Variants in ESRRB observed in about 807,000 individuals in gnomAD.
ESRRB encodes the protein estrogen related receptor beta, also known as steroid hormone receptor ERR2.
Under a neutral mutation model 46.0 loss-of-function variants are expected in ESRRB, and 16 were observed. The ratio of observed to expected loss-of-function variants is 0.35; its 90% CI spans 0.24 to 0.53. ESRRB has a LOEUF of 0.53. Among genes scored for constraint, ESRRB ranks in the 20% least tolerant of loss-of-function variants. ESRRB has a pLI of 0.93. For missense variants in ESRRB, 488 were observed against 607.4 expected (o/e 0.80, Z 2.07); for synonymous variants, 246 against 259.6 (o/e 0.95, Z 0.50).
At chr14:76,397,576 T>C (rs1331697542) in intron 1 of ESRRB, among the ~76,000 whole-genome samples, 1 of 152,118 alleles carries the variant, frequency 6.6e-6, no homozygotes, top group Non-Finnish European at 1.5e-5. Context: ...AAAATAGATT[T>C]ATTGGACAAA....
intron 5 of ESRRB, among the ~76,000 whole-genome samples, chr14:76,486,259 T>TG (rs1890013811): frequency 6.6e-6 from 1 of 152,176 alleles, no homozygotes; most frequent in East Asian, 1.9e-4. Flanking sequence ...GGCAGCCTCA[T>TG]GCCTGTGCCA....
rs374856797 is a variant in ESRRB, at chr14:76,333,425, T to TATATATTTATATATG, written c.2+22516_2+22530dup. 2.7e-4 allele frequency among the ~76,000 whole-genome samples: 15 copies of TATATATTTATATATG among 54,894 alleles called. 1 individual carries two copies. Among genetic ancestry groups the TATATATTTATATATG allele is most frequent in the African/African-American group, 7.5e-4 (11 of 14,622 alleles). The allele number at this position is 54,894 out of a possible 152,430, so 36.0% of individuals were successfully genotyped here. A position where few individuals can be genotyped will look rare whatever the true frequency, so the allele number is the denominator to read the frequency against. On this transcript the variant is annotated intron_variant, in intron 1 of 6. Coordinates refer to the ESRRB transcript ENST00000512784. ...TTATATATGATATATTTATATCATATATATATTTATATATGATATATAAGT... is the reference window on the plus strand; with the variant it reads ...TTATATATGATATATTTATATCATATATATATTTATATATGATATATTTATATATGATATATAAGT...
chr14:76,418,909 G>T (rs1016647645), intron 1 of ESRRB, among the ~76,000 whole-genome samples: 1 of 152,110 alleles, frequency 6.6e-6, no homozygotes, highest in African/African-American at 2.4e-5. Flanking sequence ...GTGAGCCACC[G>T]CATCCAGCCT....
chr14:76,485,657 G>GAGAGAGAGAGAGAGAA (rs1555344281), intron 5 of ESRRB, among the ~76,000 whole-genome samples: 1 of 146,678 alleles, frequency 6.8e-6, no homozygotes, highest in Non-Finnish European at 1.5e-5. Flanking sequence ...GAGAGAGAGA[G>GAGAGAGAGAGAGAGAA]AGAAAGAAAG....
rs1019190119 is a variant in ESRRB at position 76,499,783 on chromosome 14, G to A, written c.*1325G>A. 1.3e-5 allele frequency: 16 copies of A among 1,204,362 alleles called. No homozygotes were observed. The African/African-American group carries it at 2.2e-4, about 17-fold the overall frequency. The allele number at this position is 1,204,362 out of a possible 1,614,324, so 74.6% of individuals were successfully genotyped here. A position where few individuals can be genotyped will look rare whatever the true frequency, so the allele number is the denominator to read the frequency against. Reference sequence around the variant, plus strand: ...CTACCCCAGGCACACGGGGACAGTGGGTCACTCTATTTCTGTGGATGGCCG... The same window carrying A: ...CTACCCCAGGCACACGGGGACAGTGAGTCACTCTATTTCTGTGGATGGCCG... On this transcript the variant is annotated 3_prime_UTR_variant, in exon 7 of 7. Transcript: ENST00000644823.
intron 3 of ESRRB, among the ~76,000 whole-genome samples, chr14:76,471,305 C>T (rs1242281642): frequency 6.6e-6 from 1 of 152,200 alleles, no homozygotes; most frequent in Non-Finnish European, 1.5e-5. Flanking sequence ...TGATTCCACT[C>T]TTAGTCCTGT....
intron 1 of ESRRB, among the ~76,000 whole-genome samples, chr14:76,431,220 G>A (rs1303111366): frequency 3.9e-5 from 6 of 152,198 alleles, no homozygotes; most frequent in Non-Finnish European, 5.9e-5. Context: ...ACTTAAAGCT[G>A]AGAGGTGGAG....
chr14:76,463,179 C>T (rs1225181823), intron 3 of ESRRB: 1 of 213,770 alleles, frequency 4.7e-6, no homozygotes, highest in East Asian at 1.2e-4. Context: ...TCCCTTCCCT[C>T]TCCTTTCTCT....
intron 2 of ESRRB, among the ~76,000 whole-genome samples, chr14:76,450,936 G>C (rs117017058): frequency 0.021 from 3,124 of 152,280 alleles, 59 homozygotes; most frequent in South Asian, 0.041. Flanking sequence ...TATCTGTAGG[G>C]CACTGGCAAA....
At chr14:76,490,856 C>T (rs1890195700) in intron 5 of ESRRB, among the ~76,000 whole-genome samples, 1 of 152,166 alleles carries the variant, frequency 6.6e-6, no homozygotes, top group Non-Finnish European at 1.5e-5. Context: ...GCCCCTGACC[C>T]CGGGGGCTCT....
intron 3 of ESRRB, among the ~76,000 whole-genome samples, chr14:76,469,601 T>C (rs1173030124): frequency 1.3e-5 from 2 of 152,174 alleles, no homozygotes; most frequent in Admixed American, 6.5e-5. Context: ...TCTCAAACTC[T>C]TGGGCTCAAG....
intron 3 of ESRRB, 138 bp downstream of exon 3, chr14:76,462,799 C>T: frequency 2.7e-6 from 2 of 750,242 alleles, no homozygotes; most frequent in Non-Finnish European, 4.9e-6. Flanking sequence ...CCTCCCACAC[C>T]CTGCCAGCCT....
rs114147324 is a variant in ESRRB at position 76,317,536 on chromosome 14, C to A, written c.2+6620C>A. On this transcript the variant is annotated intron_variant, in intron 1 of 6. Coordinates refer to the ESRRB transcript ENST00000512784. ...AAGGCACAATGAAGGGTGCCTAGGG[C>A]CTCCTCATAGATTTTCTTTGCTACT... Among the ~76,000 whole-genome samples, 1,228 of 152,110 alleles carry A rather than the reference C, an allele frequency of 8.1e-3. 22 individuals are homozygous for A. The highest frequency in any genetic ancestry group is 0.028 in the African/African-American group (1,153 of 41,478).
chr14:76,462,663 TAAG>T lies in ESRRB; in HGVS notation c.577+4_577+6del, dbSNP rs1888919174. 6.2e-7 allele frequency: 1 copy of T among 1,608,134 alleles called. No homozygotes were observed. Among genetic ancestry groups the T allele is most frequent in the African/African-American group, 1.3e-5 (1 of 74,788 alleles). ...TCAAAGTGGGGATGCTGAAGGAAGG[TAAG>T]AGACCCCACCGAGTCGGGGTTCACT... On this transcript the variant is annotated splice_donor_5th_base_variant and intron_variant, in intron 3 of 6. Transcript: ENST00000644823.
chr14:76,464,443 T>A (rs2139995942), intron 3 of ESRRB, among the ~76,000 whole-genome samples: 1 of 152,268 alleles, frequency 6.6e-6, no homozygotes, highest in African/African-American at 2.4e-5. Flanking sequence ...GTCCCCCACT[T>A]CACCTCAGCT....
intron 1 of ESRRB, among the ~76,000 whole-genome samples, chr14:76,327,520 C>G (rs1450352630): frequency 6.6e-6 from 1 of 150,590 alleles, no homozygotes; most frequent in African/African-American, 2.5e-5. Flanking sequence ...TGATGATGAG[C>G]CAGGCACTGC....
intron 1 of ESRRB, among the ~76,000 whole-genome samples, chr14:76,359,316 A>G (rs954792455): frequency 2.6e-5 from 4 of 152,234 alleles, no homozygotes; most frequent in Admixed American, 2.0e-4. Flanking sequence ...AAACCCATTC[A>G]AGGGTGAGGA....
chr14:76,404,646 C>T (rs1341584532), intron 1 of ESRRB, among the ~76,000 whole-genome samples: 1 of 152,156 alleles, frequency 6.6e-6, no homozygotes, highest in African/African-American at 2.4e-5. Flanking sequence ...TCTCCCTCCC[C>T]TTCCCAGTGC....
At chr14:76,473,513 A>G (rs970819698) in intron 3 of ESRRB, among the ~76,000 whole-genome samples, 1 of 152,246 alleles carries the variant, frequency 6.6e-6, no homozygotes. Context: ...CGCCTGGGAC[A>G]GGCTTAGGGC....
Sources: allele counts gnomAD v4.1 joint callset (sites outside exome capture counted in the v4.1 genomes callset), GRCh38; gene constraint gnomAD v4.1.1; transcripts MANE v1.5; gene names NCBI Gene and HGNC (gene_info 2026-07-23, HGNC 2026-07-21).